ATP8B1: variants seen among roughly 807,000 people sequenced by gnomAD.
The protein encoded by ATP8B1 is phospholipid-transporting ATPase IC.
ATP8B1 carries 80 observed loss-of-function variants against 149.9 expected under a neutral mutation model. The observed-to-expected ratio is 0.53, with a 90% CI of 0.45 to 0.64. The LOEUF is 0.64. ATP8B1 is among the 30% of genes least tolerant of loss of function. The pLI, the probability that ATP8B1 is intolerant of heterozygous loss-of-function variation, is 0.00. For missense variants in ATP8B1, 1,247 were observed against 1,552.6 expected, an observed-to-expected ratio of 0.80 and a Z score of 3.31; for synonymous variants, 536 against 562.8, an observed-to-expected ratio of 0.95 and a Z score of 0.67.
rs1228298609 is a variant in ATP8B1, at chr18:57,776,532, CA to C, written c.-26+26465del. 2.6e-5 allele frequency among the ~76,000 whole-genome samples: 4 copies of C among 152,038 alleles called. No individual in the cohort carries two copies. In the East Asian group the frequency reaches 7.7e-4, roughly 29 times the overall value. On this transcript the variant is annotated intron_variant, in intron 1 of 27. Coordinates refer to ENST00000648908, the MANE Select transcript of ATP8B1 (RefSeq NM_001374385.1). ...GTGGGAGCCCACCCACACAATCAAC[CA>C]CAGTCACCCAGATCTGCCCACTGAG...
At chr18:57,657,279 TA>T (rs1270555604) in intron 22 of ATP8B1, among the ~76,000 whole-genome samples, 1 of 152,118 alleles carries the variant, frequency 6.6e-6, no homozygotes, top group African/African-American at 2.4e-5. Context: ...GTTTCCAGAA[TA>T]TATAAAATTA....
chr18:57,790,908 G>A (rs184430930), intron 1 of ATP8B1, among the ~76,000 whole-genome samples: 2 of 152,198 alleles, frequency 1.3e-5, no homozygotes, highest in Non-Finnish European at 2.9e-5. Context: ...TTTTAGTAGA[G>A]ATGGGGTTTC....
At position 57,769,553 on chromosome 18, in the gene ATP8B1, G is replaced by A. The variant is rs189392682; in HGVS notation, c.-26+33445C>T. Among the ~76,000 whole-genome samples, 40 of 152,298 alleles carry A rather than the reference G, an allele frequency of 2.6e-4. No homozygotes were observed. The East Asian group carries it at 3.3e-3, about 12-fold the overall frequency. ...AAACTGCTAGTACTTCATTAAGCCA[G>A]TAGGCAACTGGTTTGAGCCTTAATT... On this transcript the variant is annotated intron_variant, in intron 1 of 27. Coordinates refer to ENST00000648908, the MANE Select transcript of ATP8B1 (RefSeq NM_001374385.1).
At chr18:57,717,152 C>T (rs114651248) in intron 2 of ATP8B1, among the ~76,000 whole-genome samples, 1 of 152,058 alleles carries the variant, frequency 6.6e-6, no homozygotes, top group Admixed American at 6.6e-5. Flanking sequence ...TAAACCAAAA[C>T]CTGTGGGACA....
intron 1 of ATP8B1, among the ~76,000 whole-genome samples, chr18:57,744,056 T>C (rs1228048629): frequency 6.6e-6 from 1 of 152,050 alleles, no homozygotes; most frequent in East Asian, 1.9e-4. Flanking sequence ...GGCTCACACC[T>C]GTAATCCTAA....
chr18:57,669,441 G>A lies in ATP8B1; in HGVS notation c.1974C>T (p.Tyr658=). Residue 658 remains tyrosine, a synonymous_variant, in exon 18 of 28, where the codon TAC becomes TAT. Transcript: ENST00000648908. ...NETLRTLCLC[Y]KEIEEKEFTE... ...TAAATTCTTTTTCTTCAATTTCCTT[G>A]TAGCAAAGGCATAGGGTTCTAAGAG... is the stretch of plus-strand genomic sequence containing the variant. 1 of 1,613,328 alleles carries A rather than the reference G, an allele frequency of 6.2e-7. No homozygotes were observed. Among genetic ancestry groups the A allele is most frequent in the African/African-American group, 1.3e-5 (1 of 74,962 alleles).
chr18:57,704,507 A>T, intron 4 of ATP8B1, 48 bp downstream of exon 4: 5 of 1,234,698 alleles, frequency 4.0e-6, no homozygotes, highest in Non-Finnish European at 6.0e-6. Context: ...CTTAAATGTT[A>T]TCGAGTCACT....
At chr18:57,773,808 C>G (rs2080284351) in intron 1 of ATP8B1, among the ~76,000 whole-genome samples, 1 of 152,112 alleles carries the variant, frequency 6.6e-6, no homozygotes. Flanking sequence ...AAGCCCTAGG[C>G]TCTGCCTTCC....
intron 12 of ATP8B1, 39 bp downstream of exon 12, chr18:57,691,768 T>G: frequency 6.2e-7 from 1 of 1,609,460 alleles, no homozygotes; most frequent in Non-Finnish European, 8.5e-7. Context: ...GGTACAACAT[T>G]CTTCCATTAA....
chr18:57,745,853 G>A (rs2079959178), intron 1 of ATP8B1, among the ~76,000 whole-genome samples: 3 of 151,742 alleles, frequency 2.0e-5, no homozygotes. Flanking sequence ...TAAAGACGAG[G>A]TTTCACTACA....
chr18:57,697,837 T>C lies in ATP8B1; in HGVS notation c.585A>G (p.Gln195=). The C allele has an allele frequency of 6.2e-7, 1 of 1,613,996 alleles. No homozygotes were observed. The highest frequency in any genetic ancestry group is 8.5e-7 in the Non-Finnish European group (1 of 1,179,936). The change falls in exon 7 of 28, where the codon CAA becomes CAG. Residue 195 remains glutamine (Q), a synonymous_variant. Coordinates refer to ENST00000648908, the MANE Select transcript of ATP8B1 (RefSeq NM_001374385.1). ...TTTTCAGACGAATGACGTCTCCAAC[T>C]TGAATTTCTTTCCACTTAGCAACTT... ...RFKVAKWKEI[Q]VGDVIRLKKN...
chr18:57,678,053 T>C (rs574723956), intron 15 of ATP8B1, among the ~76,000 whole-genome samples: 2 of 152,246 alleles, frequency 1.3e-5, no homozygotes, highest in Admixed American at 6.5e-5. Context: ...ATTCCAACCT[T>C]ATGACTGCTG....
At position 57,650,467 on chromosome 18, in the gene ATP8B1, T is replaced by C. The variant is rs750281258; in HGVS notation, c.3431A>G (p.Tyr1144Cys). The C allele has an allele frequency of 3.2e-5, 51 of 1,613,746 alleles. No individual in the cohort carries two copies. Among genetic ancestry groups the C allele is most frequent in the Non-Finnish European group, 2.9e-5 (34 of 1,179,826 alleles). The change falls in exon 27 of 28, where the codon TAC (tyrosine) becomes TGC (cysteine). Residue 1144 changes from tyrosine to cysteine, a missense_variant. This residue lies in a region of ATP8B1 where 164 missense variants were observed against 160.3 expected (regional missense o/e 1.02). Coordinates refer to ENST00000648908, the MANE Select transcript of ATP8B1 (RefSeq NM_001374385.1). Reference protein sequence around the residue: ...GTASNALRQPYIWLTIILAVA... With the variant: ...GTASNALRQPCIWLTIILAVA... Reference sequence around the variant, plus strand: ...AGCCAGGATGATAGTTAACCAAATGTATGGCTGTCTCAGAGCGTTTGAAGC... The same window carrying C: ...AGCCAGGATGATAGTTAACCAAATGCATGGCTGTCTCAGAGCGTTTGAAGC...
chr18:57,726,802 G>A (rs954494291), intron 2 of ATP8B1, among the ~76,000 whole-genome samples: 8 of 152,156 alleles, frequency 5.3e-5, no homozygotes, highest in South Asian at 4.1e-4. Flanking sequence ...AGAATAGGCC[G>A]GGCACAGTGG....
At chr18:57,717,631 A>C (rs1215709324) in intron 2 of ATP8B1, among the ~76,000 whole-genome samples, 1 of 150,952 alleles carries the variant, frequency 6.6e-6, no homozygotes, top group Non-Finnish European at 1.5e-5. Context: ...AGTTACTAGA[A>C]GAAAAGAAAT....
intron 1 of ATP8B1, among the ~76,000 whole-genome samples, chr18:57,744,707 T>C (rs540001236): frequency 3.3e-5 from 5 of 152,380 alleles, no homozygotes; most frequent in Non-Finnish European, 5.9e-5. Context: ...AGCTTTATAA[T>C]TGACAGCTAC....
At chr18:57,686,217 T>A (rs1351088963) in intron 13 of ATP8B1, among the ~76,000 whole-genome samples, 1 of 152,040 alleles carries the variant, frequency 6.6e-6, no homozygotes, top group Non-Finnish European at 1.5e-5. Flanking sequence ...TGAGCTGAGA[T>A]CGCACCACTG....
intron 22 of ATP8B1, among the ~76,000 whole-genome samples, chr18:57,656,372 T>C (rs893042666): frequency 1.3e-5 from 2 of 148,922 alleles, no homozygotes; most frequent in African/African-American, 4.9e-5. Context: ...GAAATAGTTA[T>C]ATTTCTTTCT....
At chr18:57,750,250 G>A (rs2123259565) in intron 1 of ATP8B1, among the ~76,000 whole-genome samples, 1 of 152,112 alleles carries the variant, frequency 6.6e-6, no homozygotes, top group African/African-American at 2.4e-5. Flanking sequence ...CTCAAAAAAA[G>A]AAAAAGAATA....
Sources: gnomAD v4.1 joint callset for allele counts (sites outside exome capture counted in the v4.1 genomes callset) on GRCh38, gnomAD v4.1.1 for gene constraint, gnomAD v4.1.1 regional missense constraint, MANE v1.5 for transcripts, NCBI Gene and HGNC (gene_info 2026-07-23, HGNC 2026-07-21) for gene names.